DNAH14: variants seen among roughly 807,000 people sequenced by gnomAD.
DNAH14 encodes dynein axonemal heavy chain 14.
Under a neutral mutation model 520.9 loss-of-function variants are expected in DNAH14, and 478 were observed. The observed-to-expected ratio is 0.92, with a 90% confidence interval of 0.85 to 0.99. The LOEUF (loss-of-function observed/expected upper bound fraction) is 0.99. Ranked by LOEUF, DNAH14 falls within the 50% of genes least tolerant of loss-of-function variation. The pLI is 0.00. For synonymous variants in DNAH14, 1,581 were observed against 1,757.2 expected, an observed-to-expected ratio of 0.90 and a Z score of 2.51; for missense variants, 4,831 against 5,234.5, an observed-to-expected ratio of 0.92 and a Z score of 2.38.
chr1:224,967,282 A>C, intron 5 of DNAH14, 149 bp from the exon 6 acceptor site: 1 of 439,358 alleles, frequency 2.3e-6, no homozygotes, highest in Non-Finnish European at 3.8e-6. Flanking sequence ...ACATAATTTG[A>C]TGTTAGCTTT....
At chr1:225,175,176 A>G (rs1420378287) in intron 36 of DNAH14, among the ~76,000 whole-genome samples, 2 of 152,164 alleles carry the variant, frequency 1.3e-5, no homozygotes, top group Non-Finnish European at 2.9e-5. Flanking sequence ...TATCAGAGTA[A>G]TGCCAGCTTC....
At chr1:224,935,708 C>G (rs2058988664) in intron 1 of DNAH14, among the ~76,000 whole-genome samples, 1 of 151,728 alleles carries the variant, frequency 6.6e-6, no homozygotes, top group Non-Finnish European at 1.5e-5. Flanking sequence ...GACTTGAGAC[C>G]AAATGAACTT....
At chr1:225,003,136 A>G (rs1437596458) in intron 9 of DNAH14, among the ~76,000 whole-genome samples, 2 of 152,078 alleles carry the variant, frequency 1.3e-5, no homozygotes, top group Non-Finnish European at 2.9e-5. Context: ...CCTTATGCCT[A>G]ACCTAAGTCT....
intron 19 of DNAH14, among the ~76,000 whole-genome samples, chr1:225,081,558 C>A (rs1463719663): frequency 6.6e-6 from 1 of 152,172 alleles, no homozygotes; most frequent in Non-Finnish European, 1.5e-5. Context: ...CAGATAAAAT[C>A]TTGCTGTTTG....
At chr1:225,346,681 C>T in intron 71 of DNAH14, 27 bp downstream of exon 71, 1 of 1,485,358 alleles carries the variant, frequency 6.7e-7, no homozygotes, top group Non-Finnish European at 9.0e-7. Flanking sequence ...ATTCCGGATT[C>T]AGTAAAAGTC....
intron 72 of DNAH14, among the ~76,000 whole-genome samples, chr1:225,353,598 A>C (rs568979551): frequency 6.6e-6 from 1 of 152,096 alleles, no homozygotes; most frequent in African/African-American, 2.4e-5. Flanking sequence ...ACTTAAATCT[A>C]TCTTAACATC....
chr1:225,326,459 G>T (rs1021176341), intron 64 of DNAH14, among the ~76,000 whole-genome samples: 6 of 137,534 alleles, frequency 4.4e-5, no homozygotes, highest in African/African-American at 7.2e-5. Flanking sequence ...TTGAAGAGAA[G>T]GTATGGGGCC....
chr1:225,046,330 T>A (rs188438940), intron 15 of DNAH14, among the ~76,000 whole-genome samples: 4 of 152,234 alleles, frequency 2.6e-5, no homozygotes, highest in Non-Finnish European at 4.4e-5. Context: ...ATTTAGAACC[T>A]CTTCTAAAAG....
intron 3 of DNAH14, among the ~76,000 whole-genome samples, chr1:224,957,778 C>T (rs992820779): frequency 1.3e-5 from 2 of 152,032 alleles, no homozygotes. Flanking sequence ...TGTGGCGTTC[C>T]AAAGCCAGAC....
chr1:225,259,487 CT>C (rs2092857725), intron 46 of DNAH14, among the ~76,000 whole-genome samples: 1 of 151,896 alleles, frequency 6.6e-6, no homozygotes, highest in Non-Finnish European at 1.5e-5. Context: ...CAATGTGATG[CT>C]TTGATGTATA....
At chr1:225,343,218 C>G (rs916474780) in intron 69 of DNAH14, among the ~76,000 whole-genome samples, 1 of 152,192 alleles carries the variant, frequency 6.6e-6, no homozygotes, top group Non-Finnish European at 1.5e-5. Context: ...ATGGGGAGTT[C>G]CAGTATTGCC....
At chr1:225,385,157 G>C (rs2095825613) in intron 81 of DNAH14, among the ~76,000 whole-genome samples, 1 of 152,130 alleles carries the variant, frequency 6.6e-6, no homozygotes, top group Non-Finnish European at 1.5e-5. Context: ...ATGCAGAAAA[G>C]GCCTTCGACA....
At chr1:225,383,053 T>G (rs2095800012) in intron 81 of DNAH14, among the ~76,000 whole-genome samples, 1 of 152,156 alleles carries the variant, frequency 6.6e-6, no homozygotes, top group African/African-American at 2.4e-5. Context: ...GACAGAGAAC[T>G]GGAGAATGGA....
intron 1 of DNAH14, among the ~76,000 whole-genome samples, chr1:224,948,759 A>G (rs1201752507): frequency 6.6e-6 from 1 of 152,052 alleles, no homozygotes; most frequent in African/African-American, 2.4e-5. Context: ...AAATTTTAAG[A>G]TGCATACTTA....
chr1:225,280,457 G>T (rs1015500288), intron 54 of DNAH14, among the ~76,000 whole-genome samples: 1 of 151,948 alleles, frequency 6.6e-6, no homozygotes, highest in Non-Finnish European at 1.5e-5. Flanking sequence ...AAATTAGCCG[G>T]GCATGGTGGT....
chr1:225,000,876 A>G (rs1023750521), intron 8 of DNAH14, among the ~76,000 whole-genome samples: 17 of 151,876 alleles, frequency 1.1e-4, no homozygotes, highest in African/African-American at 2.7e-4. Context: ...ATTTCTTTAC[A>G]TATTACCACC....
intron 8 of DNAH14, among the ~76,000 whole-genome samples, chr1:225,002,564 A>G (rs1364279190): frequency 6.6e-6 from 1 of 152,016 alleles, no homozygotes; most frequent in Non-Finnish European, 1.5e-5. Context: ...TCCCCCTCCT[A>G]TTTTGTTCTT....
chr1:225,264,673 C>G (rs1045096096), intron 47 of DNAH14, among the ~76,000 whole-genome samples: 13 of 152,214 alleles, frequency 8.5e-5, no homozygotes, highest in African/African-American at 3.1e-4. Flanking sequence ...GGAGCCTCAT[C>G]CTTGAAAATT....
Position 225,215,196 on chromosome 1 carries a change from G to A in DNAH14, c.6439+7976G>A, listed in dbSNP as rs180877811. On this transcript the variant is annotated intron_variant, in intron 41 of 85. Transcript: ENST00000682510. ...TAGTCATTCAGGAGCAGGTTGTTCA[G>A]TTTCCATGTAGTTGAGCAGTTTTAG... 4.2e-3 allele frequency among the ~76,000 whole-genome samples: 640 copies of A among 152,284 alleles called. 5 individuals are homozygous for A. The highest frequency in any genetic ancestry group is 0.015 in the African/African-American group (609 of 41,546).
Sources: allele counts gnomAD v4.1 joint callset (sites outside exome capture counted in the v4.1 genomes callset), GRCh38; gene constraint gnomAD v4.1.1; transcripts MANE v1.5; gene names NCBI Gene and HGNC (gene_info 2026-07-23, HGNC 2026-07-21).